The following CACNA1A variants were observed in gnomAD, a reference collection of about 807,000 sequenced individuals.
The protein encoded by CACNA1A is voltage-dependent P/Q-type calcium channel subunit alpha-1A.
In CACNA1A, 57 loss-of-function variants were observed where a neutral mutation model predicts 262.4. The observed-to-expected ratio is 0.22, with a 90% CI of 0.18 to 0.27. The LOEUF (loss-of-function observed/expected upper bound fraction) is 0.27. CACNA1A is among the 10% of genes least tolerant of loss of function. The pLI is 1.00. For missense variants in CACNA1A, 2,526 were observed against 3,562.8 expected (o/e 0.71, Z 7.41); for synonymous variants, 1,431 against 1,419.3 (o/e 1.01, Z -0.18).
intron 10 of CACNA1A, among the ~76,000 whole-genome samples, chr19:13,319,256 GATTC>G (rs2058196343): frequency 6.6e-6 from 1 of 152,060 alleles, no homozygotes; most frequent in Admixed American, 6.6e-5. Flanking sequence ...TTCATTGATT[GATTC>G]ATTCATTAGT....
intron 29 of CACNA1A, 150 bp downstream of exon 29, chr19:13,254,945 G>A: frequency 2.7e-6 from 2 of 741,616 alleles, no homozygotes; most frequent in Non-Finnish European, 4.5e-6. Flanking sequence ...GGAACAGTGT[G>A]TCAGGTAGAG....
chr19:13,457,089 A>G (rs1461764560), intron 1 of CACNA1A, among the ~76,000 whole-genome samples: 2 of 152,058 alleles, frequency 1.3e-5, no homozygotes, highest in East Asian at 3.9e-4. Flanking sequence ...ATCTCTACAA[A>G]AAATATGAAA....
chr19:13,426,869 C>T (rs113717980), intron 3 of CACNA1A, among the ~76,000 whole-genome samples: 106 of 152,292 alleles, frequency 7.0e-4, no homozygotes, highest in Middle Eastern at 3.4e-3. Context: ...GAATGGTGTC[C>T]TCTCTCTGCC....
Position 13,207,308 on chromosome 19 carries a change from C to T in CACNA1A, c.*5G>A, listed in dbSNP as rs754251073. The T allele has an allele frequency of 1.2e-5, 19 of 1,549,628 alleles. No homozygotes were observed. The highest frequency in any genetic ancestry group is 6.9e-5 in the African/African-American group (5 of 72,076). The stretch of plus-strand genomic sequence containing the variant: ...GGGGCCGGGCGGGCGCCACCTCGCC[C>T]GGGCTTAGCACCAATCATCGTCACT... On this transcript the variant is annotated 3_prime_UTR_variant, in exon 47 of 47. Transcript: ENST00000360228. This position sits in a 1 kb window ranked among gnomAD's most constrained non-coding sequence, Gnocchi z 5.7.
chr19:13,360,458 T>C (rs934804682), intron 5 of CACNA1A, among the ~76,000 whole-genome samples: 10 of 151,176 alleles, frequency 6.6e-5, no homozygotes, highest in Admixed American at 1.3e-4. Context: ...TCCAAACACT[T>C]TGCCTTGCCA....
intron 1 of CACNA1A, among the ~76,000 whole-genome samples, chr19:13,498,717 T>TAAGCC (rs1981984831): frequency 1.3e-5 from 2 of 152,210 alleles, no homozygotes; most frequent in Admixed American, 1.3e-4. Context: ...TTCATTCCAA[T>TAAGCC]AAAAAGTCTT....
At chr19:13,262,896 G>A in intron 24 of CACNA1A, 63 bp from the exon 25 acceptor site, 3 of 1,156,516 alleles carry the variant, frequency 2.6e-6, no homozygotes, top group Non-Finnish European at 3.8e-6. Context: ...GTTGGGTAGG[G>A]GGCAGCCCAC....
At chr19:13,443,446 A>T (rs1052450292) in intron 3 of CACNA1A, among the ~76,000 whole-genome samples, 2 of 152,068 alleles carry the variant, frequency 1.3e-5, no homozygotes, top group South Asian at 4.2e-4. Flanking sequence ...GGCTCAAGCA[A>T]TCCTCCTGCC....
intron 1 of CACNA1A, among the ~76,000 whole-genome samples, chr19:13,471,893 G>A (rs1978285608): frequency 6.6e-6 from 1 of 152,178 alleles, no homozygotes; most frequent in Non-Finnish European, 1.5e-5. Flanking sequence ...ACAATATTGT[G>A]AATGCGCTGA....
chr19:13,281,821 G>C (rs1313773397), intron 22 of CACNA1A, among the ~76,000 whole-genome samples: 2 of 152,224 alleles, frequency 1.3e-5, no homozygotes, highest in Non-Finnish European at 2.9e-5. Flanking sequence ...GAGGGAGGGG[G>C]CCGGGGAGCT....
At chr19:13,265,237 A>G (rs2056833012) in intron 24 of CACNA1A, among the ~76,000 whole-genome samples, 1 of 152,180 alleles carries the variant, frequency 6.6e-6, no homozygotes, top group Non-Finnish European at 1.5e-5. Flanking sequence ...TGGTCTCAGG[A>G]CACGTGAATG....
rs3816720 is a variant in CACNA1A at position 13,336,152 on chromosome 19, T to C, written c.979-243A>G. Among the ~76,000 whole-genome samples, 105,188 of 152,070 alleles carry C rather than the reference T, an allele frequency of 0.69. 36,494 individuals are homozygous for C. The highest frequency in any genetic ancestry group is 0.76 in the Admixed American group (11,581 of 15,270). ...TCACATAACATAATTGACCTGGGAA[T>C]GGAGTAAGAAACACAAGAGGACTTC... On this transcript the variant is annotated intron_variant, in intron 6 of 46. Coordinates refer to ENST00000360228, the MANE Select transcript of CACNA1A (RefSeq NM_001127222.2).
chr19:13,282,232 C>T (rs890041429), intron 22 of CACNA1A, among the ~76,000 whole-genome samples: 5 of 152,110 alleles, frequency 3.3e-5, no homozygotes, highest in Admixed American at 1.3e-4. Flanking sequence ...GGATGGGGCT[C>T]GCCAGCTTTG....
intron 2 of CACNA1A, among the ~76,000 whole-genome samples, chr19:13,454,856 G>A (rs1015758007): frequency 1.3e-5 from 2 of 152,130 alleles, no homozygotes; most frequent in Non-Finnish European, 2.9e-5. Context: ...CTACTCAGGA[G>A]GCTGCAGTGG....
chr19:13,405,892 G>C (rs551522669), intron 3 of CACNA1A, among the ~76,000 whole-genome samples: 1 of 152,304 alleles, frequency 6.6e-6, no homozygotes, highest in South Asian at 2.1e-4. Context: ...GACTGGCCCA[G>C]GGTCACATAG....
At chr19:13,368,041 G>A (rs571692800) in intron 4 of CACNA1A, among the ~76,000 whole-genome samples, 7 of 152,216 alleles carry the variant, frequency 4.6e-5, no homozygotes, top group Admixed American at 1.3e-4. Context: ...CTGGCCAAGC[G>A]TGGTGGCTCA....
rs1186461733 is a variant in CACNA1A at position 13,303,781 on chromosome 19, G to A, written c.2090C>T (p.Thr697Met). 3 of 1,610,420 alleles carry A rather than the reference G, an allele frequency of 1.9e-6. No individual in the cohort carries two copies. Among genetic ancestry groups the A allele is most frequent in the East Asian group, 2.2e-5 (1 of 44,858 alleles). ...MVFSIYFIVL[T>M]LFGNYTLLNV... is the part of the protein sequence containing the mutation. ...ATGAAGGATACAGTTCCCAAAGAGC[G>A]TCAGTACAATGAAATAGATGGAGAA... The change falls in exon 16 of 47, where the codon ACG becomes ATG. Residue 697 changes from threonine to methionine, a missense_variant. Physicochemically the swap from Thr to Met is moderately conservative, Grantham distance 81 (BLOSUM62 -1). This residue lies in a region of CACNA1A where 102 missense variants were observed against 278.9 expected (regional missense o/e 0.37). Transcript: ENST00000360228.
intron 1 of CACNA1A, among the ~76,000 whole-genome samples, chr19:13,504,116 C>T (rs1356257184): frequency 6.6e-6 from 1 of 152,126 alleles, no homozygotes; most frequent in African/African-American, 2.4e-5. Context: ...GAGCAAAGCC[C>T]TCTCACTCCT....
At chr19:13,358,463 A>G (rs1290007739) in intron 6 of CACNA1A, among the ~76,000 whole-genome samples, 1 of 152,222 alleles carries the variant, frequency 6.6e-6, no homozygotes, top group Non-Finnish European at 1.5e-5. Flanking sequence ...CCTGCAGTGG[A>G]AAGATCTCTA....
Sources: gnomAD v4.1 joint callset for allele counts (sites outside exome capture counted in the v4.1 genomes callset) on GRCh38, gnomAD v4.1.1 for gene constraint, gnomAD v4.1.1 regional missense constraint, Gnocchi (gnomAD v3.1) non-coding constraint, MANE v1.5 for transcripts, NCBI Gene and HGNC (gene_info 2026-07-23, HGNC 2026-07-21) for gene names.